DNAI1: variants seen among roughly 807,000 people sequenced by gnomAD.
DNAI1 encodes dynein, axonemal, intermediate polypeptide 1.
Under a neutral mutation model 92.0 loss-of-function variants are expected in DNAI1, and 67 were observed. The observed-to-expected ratio is 0.73, with a 90% confidence interval of 0.60 to 0.89. DNAI1 has a LOEUF of 0.89. Among genes scored for constraint, DNAI1 ranks in the 40% least tolerant of loss-of-function variants. The pLI, the probability that DNAI1 is intolerant of heterozygous loss-of-function variation, is 0.00. For synonymous variants in DNAI1, 323 were observed against 319.6 expected (o/e 1.01, Z -0.11); for missense variants, 839 against 866.6 (o/e 0.97, Z 0.40).
Position 34,514,487 on chromosome 9 carries a change from G to T in DNAI1, c.1663G>T (p.Val555Phe), listed in dbSNP as rs750428263. The change falls in exon 17 of 20, where the codon GTC becomes TTC. Residue 555 changes from valine to phenylalanine, a missense_variant. Val to Phe is a conservative substitution (Grantham distance 50). Transcript: ENST00000242317. ...TVSWNPYHTK[V>F]FMSCSSDWTV... The stretch of plus-strand genomic sequence containing the variant: ...GTCCTGGAACCCATACCACACCAAG[G>T]TCTTCATGTCCTGCAGCTCCGACTG... 48 of 1,614,072 alleles carry T rather than the reference G, an allele frequency of 3.0e-5. No homozygotes were observed. Among genetic ancestry groups the T allele is most frequent in the Non-Finnish European group, 4.0e-5 (47 of 1,180,044 alleles).
At position 34,485,312 on chromosome 9, in the gene DNAI1, A is replaced by G. The variant is rs1587067593; in HGVS notation, c.180+72A>G. ...TCGGAGATGTGTTCTTCCATAGTAC[A>G]TGATTAGGAGCTTGCCCAGAACCTG... is the stretch of plus-strand genomic sequence containing the variant. On this transcript the variant is annotated intron_variant, in intron 3 of 19. Coordinates refer to ENST00000242317, the MANE Select transcript of DNAI1 (RefSeq NM_012144.4). The G allele has an allele frequency of 3.7e-6, 6 of 1,603,994 alleles. No individual in the cohort carries two copies. The East Asian group carries it at 1.1e-4, about 30-fold the overall frequency.
intron 4 of DNAI1, chr9:34,488,069 A>C: frequency 5.0e-6 from 2 of 398,004 alleles, no homozygotes; most frequent in Non-Finnish European, 1.0e-5. Context: ...GGGAATCTTC[A>C]TCATGAAAAT....
chr9:34,478,096 A>C (rs376621210), intron 1 of DNAI1, among the ~76,000 whole-genome samples: 1 of 152,102 alleles, frequency 6.6e-6, no homozygotes, highest in Non-Finnish European at 1.5e-5. Flanking sequence ...GATGTTGCCC[A>C]GGCTGGTCTC....
intron 8 of DNAI1, 87 bp downstream of exon 8, chr9:34,491,641 A>G (rs1824597192): frequency 6.9e-7 from 1 of 1,451,222 alleles, no homozygotes. Context: ...CACTGGGTCA[A>G]GGGCTCCTCT....
intron 6 of DNAI1, 33 bp downstream of exon 6, chr9:34,490,157 T>C (rs1436266009): frequency 1.2e-6 from 2 of 1,613,494 alleles, no homozygotes; most frequent in East Asian, 4.5e-5. Context: ...GTCCCTCTTC[T>C]TCCAGCTCAA....
chr9:34,460,864 G>A (rs933046071), intron 1 of DNAI1, among the ~76,000 whole-genome samples: 3 of 151,466 alleles, frequency 2.0e-5, no homozygotes, highest in Non-Finnish European at 4.4e-5. Flanking sequence ...TTTTTGAGAC[G>A]GAGTCTTGCT....
intron 12 of DNAI1, among the ~76,000 whole-genome samples, chr9:34,504,829 CTG>C: frequency 6.6e-6 from 1 of 152,296 alleles, no homozygotes; most frequent in Non-Finnish European, 1.5e-5. Context: ...CCTTTGGAAA[CTG>C]TGAACGTCCT....
At chr9:34,513,280 G>A (rs1250025501) in intron 16 of DNAI1, 89 bp downstream of exon 16, 2 of 1,043,604 alleles carry the variant, frequency 1.9e-6, no homozygotes, top group Admixed American at 3.4e-5. Context: ...CTATTTTGAT[G>A]GATTTTAGTT....
At chr9:34,492,819 C>T (rs1490238554) in intron 8 of DNAI1, among the ~76,000 whole-genome samples, 1 of 151,410 alleles carries the variant, frequency 6.6e-6, no homozygotes, top group Non-Finnish European at 1.5e-5. Flanking sequence ...CTGTGCCTGG[C>T]CTATTTTTTT....
intron 2 of DNAI1, among the ~76,000 whole-genome samples, chr9:34,484,283 T>C (rs117665520): frequency 6.6e-6 from 1 of 152,318 alleles, no homozygotes; most frequent in Non-Finnish European, 1.5e-5. Flanking sequence ...TCCTCTAACA[T>C]CAGTACACCT....
chr9:34,505,255 C>CT (rs1824901937), intron 12 of DNAI1, among the ~76,000 whole-genome samples: 1 of 152,154 alleles, frequency 6.6e-6, no homozygotes, highest in African/African-American at 2.4e-5. Context: ...TTTCCCTCCC[C>CT]TTTCCAATTT....
intron 1 of DNAI1, among the ~76,000 whole-genome samples, chr9:34,465,888 G>A (rs1185345655): frequency 6.6e-6 from 1 of 152,250 alleles, no homozygotes; most frequent in Non-Finnish European, 1.5e-5. Flanking sequence ...AAAGGACACA[G>A]CTGTTGTAAC....
chr9:34,512,168 C>T lies in DNAI1; in HGVS notation c.1371C>T (p.Asp457=), dbSNP rs113249236. 99 of 1,614,152 alleles carry T rather than the reference C, an allele frequency of 6.1e-5. No homozygotes were observed. The highest frequency in any genetic ancestry group is 2.3e-4 in the South Asian group (21 of 91,086). Residue 457 remains aspartate (D), a synonymous_variant, in exon 14 of 20, where the codon GAC becomes GAT. Coordinates refer to ENST00000242317, the MANE Select transcript of DNAI1 (RefSeq NM_012144.4). ...QNLNFFSVSS[D]GRIVSWTLVK... ...TTAACTTCTTCTCTGTGTCATCTGA[C>T]GGCAGGATTGTGTCTTGGACTCTCG...
Position 34,492,493 on chromosome 9 carries a change from G to GAGAGAGAGATATATATAT in DNAI1, c.682-700_682-699insGAGAGAGATATATATATA, listed in dbSNP as rs1271867592. Among the ~76,000 whole-genome samples the GAGAGAGAGATATATATAT allele has an allele frequency of 8.8e-5, 6 of 68,258 alleles. No individual in the cohort carries two copies. In the South Asian group the frequency reaches 2.7e-3, roughly 31 times the overall value. The allele number at this position is 68,258 out of a possible 152,430, so 44.8% of individuals were successfully genotyped here. A position where few individuals can be genotyped will look rare whatever the true frequency, so the allele number is the denominator to read the frequency against. On this transcript the variant is annotated intron_variant, in intron 8 of 19. Coordinates refer to ENST00000242317, the MANE Select transcript of DNAI1 (RefSeq NM_012144.4). ...TCCGGGGTGGGGGTGGGGATATGAA[G>GAGAGAGAGATATATATAT]ATATATATATATATATATATATATA...
At chr9:34,476,428 G>C (rs1358798229) in intron 1 of DNAI1, among the ~76,000 whole-genome samples, 2 of 152,192 alleles carry the variant, frequency 1.3e-5, no homozygotes, top group African/African-American at 4.8e-5. Context: ...AGTGTTCCAG[G>C]ACAGACCGAG....
intron 19 of DNAI1, 70 bp downstream of exon 19, chr9:34,517,537 A>G: frequency 6.3e-7 from 1 of 1,594,300 alleles, no homozygotes; most frequent in Non-Finnish European, 8.6e-7. Context: ...GACAGAAGGG[A>G]GAAGCCAGGG....
At chr9:34,489,542 C>T in intron 5 of DNAI1, 93 bp downstream of exon 5, 1 of 1,466,128 alleles carries the variant, frequency 6.8e-7, no homozygotes, top group Non-Finnish European at 9.5e-7. Flanking sequence ...CAGAACTTTT[C>T]AGAGCTTCTG....
intron 7 of DNAI1, chr9:34,491,199 T>A: frequency 2.0e-6 from 1 of 491,460 alleles, no homozygotes; most frequent in Non-Finnish European, 3.7e-6. Flanking sequence ...TGGCCTGGCA[T>A]CCTGCAGGTC....
At chr9:34,502,430 T>C (rs1357736711) in intron 12 of DNAI1, among the ~76,000 whole-genome samples, 3 of 152,112 alleles carry the variant, frequency 2.0e-5, no homozygotes, top group Non-Finnish European at 4.4e-5. Flanking sequence ...TGGACCCCCC[T>C]GTGAGGCTAC....
Sources: gnomAD v4.1 joint callset for allele counts (sites outside exome capture counted in the v4.1 genomes callset) on GRCh38, gnomAD v4.1.1 for gene constraint, MANE v1.5 for transcripts, NCBI Gene and HGNC (gene_info 2026-07-23, HGNC 2026-07-21) for gene names.